The following RNASE2 variants were observed in gnomAD, a reference collection of about 807,000 sequenced individuals.
RNASE2 encodes the protein ribonuclease A family member 2.
For missense variants in RNASE2, 170 were observed against 197.9 expected, an observed-to-expected ratio of 0.86 and a Z score of 0.85; for synonymous variants, 67 against 68.9, an observed-to-expected ratio of 0.97 and a Z score of 0.13.
chr14:20,955,742 A>G lies in RNASE2; in HGVS notation c.-5-25A>G, dbSNP rs201609637. The G allele has an allele frequency of 6.3e-5, 100 of 1,581,988 alleles. 1 individual carries two copies. The highest frequency in any genetic ancestry group is 8.9e-5 in the Admixed American group (5 of 56,434). ...CATAACCAAGACCCGATCAGGGAGT[A>G]GTTACTTCTCTTCTTTTCTTACAGG... On this transcript the variant is annotated intron_variant, in intron 1 of 1. Transcript: ENST00000304625.
Position 20,955,755 on chromosome 14 carries a change from C to T in RNASE2, c.-5-12C>T, listed in dbSNP as rs757212698. The T allele has an allele frequency of 2.1e-5, 34 of 1,593,592 alleles. No individual in the cohort carries two copies. The South Asian group carries it at 3.7e-4, about 17-fold the overall frequency. On this transcript the variant is annotated splice_polypyrimidine_tract_variant and intron_variant, in intron 1 of 1. Coordinates refer to ENST00000304625, the MANE Select transcript of RNASE2 (RefSeq NM_002934.3). ...CGATCAGGGAGTAGTTACTTCTCTT[C>T]TTTTCTTACAGGAAACATGGTTCCA...
Position 20,956,108 on chromosome 14 carries a change from A to G in RNASE2, c.337A>G (p.Thr113Ala). The change falls in exon 2 of 2, where the codon ACA (threonine) becomes GCA (alanine). Residue 113 changes from threonine (T) to alanine (A), a missense_variant. Thr to Ala is a moderately conservative substitution (Grantham distance 58, BLOSUM62 0). Coordinates refer to ENST00000304625, the MANE Select transcript of RNASE2 (RefSeq NM_002934.3). ...GGTGCCTTTAATCCACTGTAACCTC[A>G]CAACTCCAAGTCCACAGAATATTTC... ...SQVPLIHCNLTTPSPQNISNC... is the reference protein window; with the variant it reads ...SQVPLIHCNLATPSPQNISNC... 1.2e-6 allele frequency: 2 copies of G among 1,614,174 alleles called. No homozygotes were observed.
rs144529882 is a variant in RNASE2, at chr14:20,956,202, G to A, written c.431G>A (p.Arg144Gln). 27 of 1,614,014 alleles carry A rather than the reference G, an allele frequency of 1.7e-5. No individual in the cohort carries two copies. The highest frequency in any genetic ancestry group is 2.7e-5 in the African/African-American group (2 of 74,902). Reference sequence around the variant, plus strand: ...GTTGCATGTGACAACAGAGATCAACGACGAGACCCTCCACAGTATCCGGTG... The same window carrying A: ...GTTGCATGTGACAACAGAGATCAACAACGAGACCCTCCACAGTATCCGGTG... ...YIVACDNRDQ[R>Q]RDPPQYPVVP... Residue 144 changes from arginine to glutamine, a missense_variant, in exon 2 of 2, where the codon CGA (arginine) becomes CAA (glutamine). By Grantham distance (43) the Arg-to-Gln change is conservative. Coordinates refer to ENST00000304625, the MANE Select transcript of RNASE2 (RefSeq NM_002934.3).
chr14:20,955,594 G>C (rs2138707135), intron 1 of RNASE2, 58 bp downstream of exon 1: 1 of 809,002 alleles, frequency 1.2e-6, no homozygotes, highest in East Asian at 2.5e-5. Flanking sequence ...CAGCAACTGA[G>C]GGAGAAGAGA....
Position 20,956,426 on chromosome 14 carries a change from T to A in RNASE2, c.*169T>A. ...CTTGTGAACCCTGCAATAAACTGCT[T>A]TGCAAATTCATCTGAAAGTGTCTGT... On this transcript the variant is annotated 3_prime_UTR_variant, in exon 2 of 2. Coordinates refer to ENST00000304625, the MANE Select transcript of RNASE2 (RefSeq NM_002934.3). 1.1e-6 allele frequency: 1 copy of A among 936,630 alleles called. No individual in the cohort carries two copies. The highest frequency in any genetic ancestry group is 1.6e-6 in the Non-Finnish European group (1 of 613,054). The allele number at this position is 936,630 out of a possible 1,614,324, so 58.0% of individuals were successfully genotyped here. A position where few individuals can be genotyped will look rare whatever the true frequency, so the allele number is the denominator to read the frequency against.
chr14:20,955,927 T>C lies in RNASE2; in HGVS notation c.156T>C (p.Asn52=), dbSNP rs1481213192. The change falls in exon 2 of 2, where the codon AAT becomes AAC. Residue 52 remains asparagine (N), a synonymous_variant. Transcript: ENST00000304625. The part of the protein sequence containing the change: ...HINMTSQQCT[N]AMQVINNYQR... ...ATATGACCTCCCAGCAATGCACCAA[T>C]GCAATGCAGGTCATTAACAATTATC... 1 of 1,614,110 alleles carries C rather than the reference T, an allele frequency of 6.2e-7. No homozygotes were observed. The highest frequency in any genetic ancestry group is 8.5e-7 in the Non-Finnish European group (1 of 1,180,058).
In RNASE2 at chr14:20,956,073, G is replaced by A. The variant is rs1382043827; in HGVS notation, c.302G>A (p.Ser101Asn). The A allele has an allele frequency of 6.2e-7, 1 of 1,614,196 alleles. No homozygotes were observed. The change falls in exon 2 of 2, where the codon AGT becomes AAT. Residue 101 changes from serine (S) to asparagine (N), a missense_variant. Ser to Asn is a conservative substitution (Grantham distance 46, BLOSUM62 1). Coordinates refer to ENST00000304625, the MANE Select transcript of RNASE2 (RefSeq NM_002934.3). ...SNKTRKNCHH[S>N]GSQVPLIHCN... The stretch of plus-strand genomic sequence containing the variant: ...AAAACTCGCAAAAATTGTCACCACA[G>A]TGGAAGCCAGGTGCCTTTAATCCAC...
Position 20,955,491 on chromosome 14 carries a change from C to T in RNASE2, c.-51C>T, listed in dbSNP as rs542041054. 1.5e-5 allele frequency: 7 copies of T among 473,076 alleles called. No individual in the cohort carries two copies. In the Admixed American group the frequency reaches 1.6e-4, roughly 11 times the overall value. The allele number at this position is 473,076 out of a possible 1,614,324, so 29.3% of individuals were successfully genotyped here. On this transcript the variant is annotated 5_prime_UTR_variant, in exon 1 of 2. Transcript: ENST00000304625. ...GACCAGCTGCCCCTGAACCCCAGAA[C>T]AACCAGCTGGATCAGTTCTCACAGG...
intron 1 of RNASE2, 38 bp from the exon 2 acceptor site, chr14:20,955,729 C>T (rs750709563): frequency 7.0e-6 from 11 of 1,566,512 alleles, no homozygotes; most frequent in Admixed American, 1.8e-5. Flanking sequence ...TAACCAAGAC[C>T]CGATCAGGGA....
Position 20,955,923 on chromosome 14 carries a change from C to T in RNASE2, c.152C>T (p.Thr51Ile). ...QHINMTSQQC[T>I]NAMQVINNYQ... ...ATCAATATGACCTCCCAGCAATGCA[C>T]CAATGCAATGCAGGTCATTAACAAT... Residue 51 changes from threonine to isoleucine, a missense_variant, in exon 2 of 2, where the codon ACC becomes ATC. Transcript: ENST00000304625. 6.2e-7 allele frequency: 1 copy of T among 1,614,028 alleles called. No individual in the cohort carries two copies. The highest frequency in any genetic ancestry group is 2.2e-5 in the East Asian group (1 of 44,886).
In RNASE2 at chr14:20,956,023, C is replaced by A. The variant is rs772735263; in HGVS notation, c.252C>A (p.Asn84Lys). 1 of 1,614,208 alleles carries A rather than the reference C, an allele frequency of 6.2e-7. No homozygotes were observed. The highest frequency in any genetic ancestry group is 8.5e-7 in the Non-Finnish European group (1 of 1,180,040). ...CTAACGTAGTTAATGTTTGTGGTAACCCAAATATGACCTGTCCTAGTAACA... is the reference window on the plus strand; with the variant it reads ...CTAACGTAGTTAATGTTTGTGGTAAACCAAATATGACCTGTCCTAGTAACA... ...TFANVVNVCG[N>K]PNMTCPSNKT... is the part of the protein sequence containing the mutation. Residue 84 changes from asparagine (N) to lysine (K), a missense_variant, in exon 2 of 2, where the codon AAC becomes AAA. By Grantham distance (94) the Asn-to-Lys change is moderately conservative. Transcript: ENST00000304625.
intron 1 of RNASE2, 107 bp from the exon 2 acceptor site, chr14:20,955,660 A>G (rs1310927926): frequency 1.1e-5 from 15 of 1,413,176 alleles, no homozygotes; most frequent in Non-Finnish European, 1.4e-5. Flanking sequence ...AGTAAAGGAA[A>G]TGGGACCCCA....
In RNASE2 at chr14:20,955,500, G is replaced by A. The variant is rs907062046; in HGVS notation, c.-42G>A. 8.2e-6 allele frequency: 4 copies of A among 488,336 alleles called. No individual in the cohort carries two copies. The highest frequency in any genetic ancestry group is 1.1e-5 in the Non-Finnish European group (3 of 277,596). The allele number at this position is 488,336 out of a possible 1,614,324, so 30.3% of individuals were successfully genotyped here. A position where few individuals can be genotyped will look rare whatever the true frequency, so the allele number is the denominator to read the frequency against. Reference sequence around the variant, plus strand: ...CCCCTGAACCCCAGAACAACCAGCTGGATCAGTTCTCACAGGAGCTACAGC... The same window carrying A: ...CCCCTGAACCCCAGAACAACCAGCTAGATCAGTTCTCACAGGAGCTACAGC... On this transcript the variant is annotated 5_prime_UTR_variant, in exon 1 of 2. Transcript: ENST00000304625.
rs771654331 is a variant in RNASE2 at position 20,956,310 on chromosome 14, T to C, written c.*53T>C. ...ACTCATCTGCCAAGCTCCTCAATCA[T>C]AGCCAAGATCCCATCTCTCCATATA... On this transcript the variant is annotated 3_prime_UTR_variant, in exon 2 of 2. Coordinates refer to ENST00000304625, the MANE Select transcript of RNASE2 (RefSeq NM_002934.3). The C allele has an allele frequency of 1.7e-4, 275 of 1,596,476 alleles. 1 individual carries two copies. Among genetic ancestry groups the C allele is most frequent in the Middle Eastern group, 5.0e-4 (3 of 5,970 alleles).
rs746309551 is a variant in RNASE2, at chr14:20,956,112, C to T, written c.341C>T (p.Thr114Ile). The change falls in exon 2 of 2, where the codon ACT becomes ATT. Residue 114 changes from threonine (T) to isoleucine (I), a missense_variant. Coordinates refer to ENST00000304625, the MANE Select transcript of RNASE2 (RefSeq NM_002934.3). ...QVPLIHCNLT[T>I]PSPQNISNCR... is the part of the protein sequence containing the mutation. ...CCTTTAATCCACTGTAACCTCACAA[C>T]TCCAAGTCCACAGAATATTTCAAAC... The T allele has an allele frequency of 3.1e-6, 5 of 1,614,108 alleles. No homozygotes were observed. The highest frequency in any genetic ancestry group is 3.4e-6 in the Non-Finnish European group (4 of 1,180,046).
Position 20,956,224 on chromosome 14 carries a change from G to A in RNASE2, c.453G>A (p.Pro151=), listed in dbSNP as rs142450661. 4.6e-5 allele frequency: 75 copies of A among 1,614,090 alleles called. 1 individual carries two copies. In the East Asian group the frequency reaches 6.7e-4, roughly 14 times the overall value. The change falls in exon 2 of 2, where the codon CCG becomes CCA. Residue 151 remains proline (P), a synonymous_variant. Transcript: ENST00000304625. ...RDQRRDPPQY[P]VVPVHLDRII Reference sequence around the variant, plus strand: ...AACGACGAGACCCTCCACAGTATCCGGTGGTTCCAGTTCACCTGGATAGAA... The same window carrying A: ...AACGACGAGACCCTCCACAGTATCCAGTGGTTCCAGTTCACCTGGATAGAA...
rs1357685738 is a variant in RNASE2 at position 20,955,691 on chromosome 14, G to A, written c.-5-76G>A. On this transcript the variant is annotated intron_variant, in intron 1 of 1. Transcript: ENST00000304625. ...CCCCAGAGTGGCCGCAGAGGGGCCT[G>A]TGGGGTAAGACACTACAGTGTGTGT... is the stretch of plus-strand genomic sequence containing the variant. The A allele has an allele frequency of 2.0e-6, 3 of 1,515,520 alleles. No individual in the cohort carries two copies. In the African/African-American group the frequency reaches 4.2e-5, roughly 21 times the overall value. The allele number at this position is 1,515,520 out of a possible 1,614,324, so 93.9% of individuals were successfully genotyped here. A position where few individuals can be genotyped will look rare whatever the true frequency, so the allele number is the denominator to read the frequency against.
Position 20,955,997 on chromosome 14 carries a change from G to T in RNASE2, c.226G>T (p.Ala76Ser). The T allele has an allele frequency of 6.2e-7, 1 of 1,614,172 alleles. No individual in the cohort carries two copies. The highest frequency in any genetic ancestry group is 8.5e-7 in the Non-Finnish European group (1 of 1,180,032). Residue 76 changes from alanine (A) to serine (S), a missense_variant, in exon 2 of 2, where the codon GCT becomes TCT. By Grantham distance (99) the Ala-to-Ser change is moderately conservative. Transcript: ENST00000304625. ...AAATACTTTCCTTCTTACAACTTTT[G>T]CTAACGTAGTTAATGTTTGTGGTAA... Reference protein sequence around the residue: ...NQNTFLLTTFANVVNVCGNPN... With the variant: ...NQNTFLLTTFSNVVNVCGNPN...
chr14:20,955,685 G>C (rs1879184949), intron 1 of RNASE2, 82 bp from the exon 2 acceptor site: 2 of 1,505,906 alleles, frequency 1.3e-6, no homozygotes, highest in African/African-American at 2.8e-5. Context: ...GGCCGCAGAG[G>C]GGCCTGTGGG....
Sources: gnomAD v4.1 joint callset for allele counts on GRCh38, gnomAD v4.1.1 for gene constraint, MANE v1.5 for transcripts, NCBI Gene and HGNC (gene_info 2026-07-23, HGNC 2026-07-21) for gene names.